LMCD1: variants seen among roughly 807,000 people sequenced by gnomAD.
The protein encoded by LMCD1 is LIM and cysteine-rich domains protein 1.
A neutral mutation model predicts 42.7 loss-of-function variants in LMCD1; 32 were observed. The observed-to-expected ratio is 0.75, with a 90% CI of 0.57 to 1.01. LMCD1 has a LOEUF of 1.01. Among genes scored for constraint, LMCD1 ranks in the 50% least tolerant of loss-of-function variants. LMCD1 has a pLI of 0.00. For synonymous variants in LMCD1, 178 were observed against 184.9 expected (o/e 0.96, Z 0.30); for missense variants, 458 against 483.1 (o/e 0.95, Z 0.49).
chr3:8,548,664 C>G lies in LMCD1; in HGVS notation c.484C>G (p.Pro162Ala). ...CCGCCGCCAGCTCATGCACCAGCTCCCCATCTATGACCAGGATCCCTCGCG... is the reference window on the plus strand; with the variant it reads ...CCGCCGCCAGCTCATGCACCAGCTCGCCATCTATGACCAGGATCCCTCGCG... Reference protein sequence around the residue: ...YRRRQLMHQLPIYDQDPSRCR... With the variant: ...YRRRQLMHQLAIYDQDPSRCR... The change falls in exon 4 of 6, where the codon CCC (proline) becomes GCC (alanine). Residue 162 changes from proline to alanine, a missense_variant. Pro to Ala is a conservative substitution (Grantham distance 27, BLOSUM62 -1). Transcript: ENST00000157600. 1 of 1,614,182 alleles carries G rather than the reference C, an allele frequency of 6.2e-7. No individual in the cohort carries two copies. The highest frequency in any genetic ancestry group is 1.1e-5 in the South Asian group (1 of 91,082).
chr3:8,558,732 G>C (rs1268193803), intron 4 of LMCD1, among the ~76,000 whole-genome samples: 2 of 152,220 alleles, frequency 1.3e-5, no homozygotes, highest in African/African-American at 2.4e-5. Context: ...AAATAGTGTT[G>C]AGTTTAAACA....
At chr3:8,547,080 C>A (rs756815164) in intron 3 of LMCD1, among the ~76,000 whole-genome samples, 133 of 152,258 alleles carry the variant, frequency 8.7e-4, no homozygotes, top group Non-Finnish European at 1.5e-3. Flanking sequence ...ACTCCTTTTT[C>A]TTTCCACTGC....
chr3:8,544,042 G>A (rs981766859), intron 3 of LMCD1, among the ~76,000 whole-genome samples: 5 of 152,154 alleles, frequency 3.3e-5, no homozygotes, highest in Admixed American at 6.5e-5. Flanking sequence ...GCTTCTGCTC[G>A]TCCACATGGT....
At chr3:8,502,898 G>T (rs1693792816) in intron 1 of LMCD1, among the ~76,000 whole-genome samples, 1 of 152,132 alleles carries the variant, frequency 6.6e-6, no homozygotes, top group Non-Finnish European at 1.5e-5. Context: ...GGGAAACTGA[G>T]GCCCGGGGTC....
At chr3:8,559,953 A>G (rs1223054981) in intron 4 of LMCD1, among the ~76,000 whole-genome samples, 2 of 152,228 alleles carry the variant, frequency 1.3e-5, no homozygotes, top group African/African-American at 4.8e-5. Context: ...GAGGGAAGAA[A>G]TGCTCCTCCA....
At chr3:8,533,531 G>T (rs1315424366) in intron 2 of LMCD1, among the ~76,000 whole-genome samples, 1 of 152,142 alleles carries the variant, frequency 6.6e-6, no homozygotes, top group Non-Finnish European at 1.5e-5. Flanking sequence ...ACATAGCAAA[G>T]AAAGAGTTTT....
At chr3:8,548,476 C>A (rs1346070665) in intron 3 of LMCD1, 92 bp from the exon 4 acceptor site, 2 of 794,638 alleles carry the variant, frequency 2.5e-6, no homozygotes, top group Non-Finnish European at 3.8e-6. Context: ...GAAGAGAATG[C>A]ATTTTCAGTT....
At chr3:8,530,959 G>A (rs1466264286) in intron 1 of LMCD1, among the ~76,000 whole-genome samples, 1 of 152,202 alleles carries the variant, frequency 6.6e-6, no homozygotes, top group African/African-American at 2.4e-5. Flanking sequence ...CTCACTCCCT[G>A]AAGCTGTAAA....
intron 2 of LMCD1, 118 bp from the exon 3 acceptor site, chr3:8,537,067 C>T: frequency 8.6e-7 from 1 of 1,160,234 alleles, no homozygotes; most frequent in Non-Finnish European, 1.2e-6. Flanking sequence ...TTGTCCGCTG[C>T]TAGTTTTTCC....
At chr3:8,537,046 C>A in intron 2 of LMCD1, 139 bp from the exon 3 acceptor site, 1 of 917,680 alleles carries the variant, frequency 1.1e-6, no homozygotes, top group Non-Finnish European at 1.6e-6. Flanking sequence ...CTTTTTGTCT[C>A]AGGTTACCAT....
chr3:8,550,665 TG>T (rs1390019154), intron 4 of LMCD1: 1 of 984,366 alleles, frequency 1.0e-6, no homozygotes, highest in Non-Finnish European at 1.2e-6. Flanking sequence ...GAAGAATACA[TG>T]TCCTAAGGAT....
chr3:8,519,917 T>TGTGTGTGTGTGA (rs145408793), intron 1 of LMCD1, among the ~76,000 whole-genome samples: 2 of 149,740 alleles, frequency 1.3e-5, no homozygotes, highest in Admixed American at 1.3e-4. Context: ...CGTGTGTGTG[T>TGTGTGTGTGTGA]GAGAGAGAGT....
intron 4 of LMCD1, among the ~76,000 whole-genome samples, chr3:8,561,374 GCA>G (rs1340121586): frequency 7.2e-6 from 1 of 139,304 alleles, no homozygotes. Flanking sequence ...TAATAATTGA[GCA>G]CAGAGTTTTT....
chr3:8,530,614 T>C (rs932665164), intron 1 of LMCD1, among the ~76,000 whole-genome samples: 2 of 152,202 alleles, frequency 1.3e-5, no homozygotes, highest in African/African-American at 4.8e-5. Flanking sequence ...TTTCCAGCCT[T>C]CTGAGTATAT....
intron 1 of LMCD1, among the ~76,000 whole-genome samples, chr3:8,531,981 C>T (rs977733377): frequency 6.6e-6 from 1 of 152,164 alleles, no homozygotes; most frequent in African/African-American, 2.4e-5. Context: ...TAATGTAATG[C>T]AGATCTCCTG....
chr3:8,557,480 G>C (rs895616469), intron 4 of LMCD1, among the ~76,000 whole-genome samples: 1 of 152,122 alleles, frequency 6.6e-6, no homozygotes, highest in African/African-American at 2.4e-5. Flanking sequence ...GCCTTTTGGA[G>C]GAAAACAACA....
intron 1 of LMCD1, among the ~76,000 whole-genome samples, chr3:8,528,506 C>T (rs1465209041): frequency 6.6e-6 from 1 of 152,102 alleles, no homozygotes. Flanking sequence ...ATTTTTTTAA[C>T]AATGGCAAAT....
intron 4 of LMCD1, among the ~76,000 whole-genome samples, chr3:8,549,607 C>T (rs1327379559): frequency 6.6e-6 from 1 of 152,196 alleles, no homozygotes; most frequent in Non-Finnish European, 1.5e-5. Flanking sequence ...GGTACATGGT[C>T]CATGCTGTGC....
intron 4 of LMCD1, among the ~76,000 whole-genome samples, chr3:8,564,483 G>A: frequency 6.6e-6 from 1 of 152,004 alleles, no homozygotes; most frequent in Admixed American, 6.6e-5. Flanking sequence ...TGTTGCCCAG[G>A]CTGGTCTCAA....
Sources: allele counts gnomAD v4.1 joint callset (sites outside exome capture counted in the v4.1 genomes callset), GRCh38; gene constraint gnomAD v4.1.1; transcripts MANE v1.5; gene names NCBI Gene and HGNC (gene_info 2026-07-23, HGNC 2026-07-21).